The following DDX54 variants were observed in gnomAD, a reference collection of about 807,000 sequenced individuals.
DDX54 encodes DEAD-box helicase 54.
A neutral mutation model predicts 105.5 loss-of-function variants in DDX54; 67 were observed. The observed-to-expected ratio is 0.64, with a 90% CI of 0.52 to 0.78. DDX54 has a LOEUF of 0.78. Ranked by LOEUF, DDX54 falls within the 30% of genes least tolerant of loss-of-function variation. The pLI is 0.00. For synonymous variants in DDX54, 514 were observed against 509.9 expected, an observed-to-expected ratio of 1.01 and a Z score of -0.11; for missense variants, 1,206 against 1,230.5, an observed-to-expected ratio of 0.98 and a Z score of 0.30.
At chr12:113,185,146 G>A (rs1458778741) in intron 1 of DDX54, 132 bp downstream of exon 1, 2 of 1,187,922 alleles carry the variant, frequency 1.7e-6, no homozygotes, top group Non-Finnish European at 2.2e-6. Flanking sequence ...TCCCAAGACC[G>A]GTCCTCGGGT....
At chr12:113,164,743 G>C (rs1952253218) in intron 14 of DDX54, among the ~76,000 whole-genome samples, 1 of 151,526 alleles carries the variant, frequency 6.6e-6, no homozygotes, top group African/African-American at 2.4e-5. Flanking sequence ...AACACAGAGA[G>C]ACCCAGGCCA....
In DDX54 at chr12:113,157,228, A is replaced by G. The variant is rs1326086945; in HGVS notation, c.*1649T>C. On this transcript the variant is annotated 3_prime_UTR_variant, in exon 20 of 20. Transcript: ENST00000306014. ...TAAGTTCATATTCATAAAGAAGTTA[A>G]TTAAAACAAAAGGAGAGCCACCCAC... 1 of 215,524 alleles carries G rather than the reference A, an allele frequency of 4.6e-6. No homozygotes were observed. Among genetic ancestry groups the G allele is most frequent in the Non-Finnish European group, 9.3e-6 (1 of 107,710 alleles). The allele number at this position is 215,524 out of a possible 1,614,324, so 13.4% of individuals were successfully genotyped here.
Position 113,157,837 on chromosome 12 carries a change from T to A in DDX54, c.*1040A>T, listed in dbSNP as rs1952151846. ...GTGCCTGTTCAGAGTGCTGTGGGCC[T>A]GCCATGAGGGGCACATAGCAAGCAC... is the stretch of plus-strand genomic sequence containing the variant. On this transcript the variant is annotated 3_prime_UTR_variant, in exon 20 of 20. Coordinates refer to ENST00000306014, the MANE Select transcript of DDX54 (RefSeq NM_024072.4). 6 of 649,130 alleles carry A rather than the reference T, an allele frequency of 9.2e-6. No homozygotes were observed. In the South Asian group the frequency reaches 1.1e-4, roughly 12 times the overall value. The allele number at this position is 649,130 out of a possible 1,614,324, so 40.2% of individuals were successfully genotyped here.
At chr12:113,179,880 G>A in intron 3 of DDX54, 55 bp downstream of exon 3, 1 of 1,592,002 alleles carries the variant, frequency 6.3e-7, no homozygotes, top group Non-Finnish European at 8.6e-7. Context: ...GGGCCAGAGA[G>A]GAGGGCCATG....
rs373657137 is a variant in DDX54 at position 113,174,000 on chromosome 12, C to T, written c.1068+640G>A. Among the ~76,000 whole-genome samples the T allele has an allele frequency of 1.9e-4, 29 of 152,104 alleles. 1 individual carries two copies. Among genetic ancestry groups the T allele is most frequent in the Admixed American group, 1.0e-3 (16 of 15,276 alleles). ...GAGTTCAAGACCCACCTGGCCAACA[C>T]GGCAAAACCCCGTCTCCATGAGAAA... On this transcript the variant is annotated intron_variant, in intron 10 of 19. Coordinates refer to ENST00000306014, the MANE Select transcript of DDX54 (RefSeq NM_024072.4).
rs770483991 is a variant in DDX54 at position 113,164,212 on chromosome 12, C to A, written c.1793G>T (p.Arg598Leu). 6.3e-7 allele frequency: 1 copy of A among 1,584,394 alleles called. No individual in the cohort carries two copies. The highest frequency in any genetic ancestry group is 1.1e-5 in the South Asian group (1 of 87,148). ...QVMRAKRQKDRKAIARFQQGQ... is the reference protein window; with the variant it reads ...QVMRAKRQKDLKAIARFQQGQ... ...CTGCTGGAAGCGGGCGATGGCCTTG[C>A]GGTCCTTCTGCCGCTTGGCGCGCAT... The change falls in exon 15 of 20, where the codon CGC (arginine) becomes CTC (leucine). Residue 598 changes from arginine to leucine, a missense_variant. This residue lies in a region of DDX54 where 961 missense variants were observed against 1,019.1 expected (regional missense o/e 0.94). Transcript: ENST00000306014.
Position 113,165,863 on chromosome 12 carries a change from A to G in DDX54, c.1584T>C (p.Pro528=). 6.2e-7 allele frequency: 1 copy of G among 1,613,436 alleles called. No individual in the cohort carries two copies. The highest frequency in any genetic ancestry group is 1.3e-5 in the African/African-American group (1 of 75,056). ...TCTCCTTGGCCCTCTTGATGGACTC[A>G]GGCGAGGGCGCCGGGCGTGAGCGCA... ...QYVRSRPAPS[P]ESIKRAKEMD... Residue 528 remains proline (P), a synonymous_variant, in exon 13 of 20, where the codon CCT becomes CCC. Coordinates refer to ENST00000306014, the MANE Select transcript of DDX54 (RefSeq NM_024072.4).
chr12:113,161,201 G>C, intron 19 of DDX54, 69 bp downstream of exon 19: 2 of 1,310,646 alleles, frequency 1.5e-6, no homozygotes, highest in Non-Finnish European at 2.1e-6. Flanking sequence ...CTGTGCCTCA[G>C]CGTTACCCTA....
chr12:113,179,405 T>C (rs1952440481), intron 3 of DDX54, 74 bp from the exon 4 acceptor site: 3 of 1,517,452 alleles, frequency 2.0e-6, no homozygotes, highest in South Asian at 2.4e-5. Context: ...TTCAAGGCCC[T>C]GAGGAGTGGG....
chr12:113,173,216 C>CA (rs1952359448), intron 10 of DDX54, among the ~76,000 whole-genome samples: 1 of 152,170 alleles, frequency 6.6e-6, no homozygotes, highest in Admixed American at 6.6e-5. Context: ...CTGGCATGGT[C>CA]AGGCATGACT....
intron 5 of DDX54, among the ~76,000 whole-genome samples, chr12:113,177,667 T>C (rs1489750650): frequency 2.0e-5 from 3 of 152,142 alleles, no homozygotes; most frequent in Admixed American, 1.3e-4. Flanking sequence ...AGAGTGTTAA[T>C]AGCGGCATCC....
chr12:113,163,298 C>T lies in DDX54; in HGVS notation c.1939-24G>A. 6.2e-7 allele frequency: 1 copy of T among 1,601,016 alleles called. No homozygotes were observed. Among genetic ancestry groups the T allele is most frequent in the Non-Finnish European group, 8.5e-7 (1 of 1,176,380 alleles). ...TCCTGGCAGAGCACAGACCAAGGCC[C>T]AGTGTCATGCCTGCTGCCCCCTGGG... On this transcript the variant is annotated intron_variant, in intron 15 of 19. Coordinates refer to ENST00000306014, the MANE Select transcript of DDX54 (RefSeq NM_024072.4). The surrounding 1 kb of genome is among the most constrained non-coding windows in gnomAD (Gnocchi z 5.9).
Position 113,162,724 on chromosome 12 carries a change from G to A in DDX54, c.2195+208C>T, listed in dbSNP as rs1952222999. The A allele has an allele frequency of 7.4e-6, 4 of 543,680 alleles. No individual in the cohort carries two copies. In the South Asian group the frequency reaches 9.9e-5, roughly 14 times the overall value. 33.7% of individuals were successfully genotyped at this position (543,680 alleles called of 1,614,324 possible). Reference sequence around the variant, plus strand: ...CTCGCTCACTCACCCCAGGCATGGAGGGGCAGCTCACTCTCTCACTCACCC... The same window carrying A: ...CTCGCTCACTCACCCCAGGCATGGAAGGGCAGCTCACTCTCTCACTCACCC... On this transcript the variant is annotated intron_variant, in intron 17 of 19. Coordinates refer to ENST00000306014, the MANE Select transcript of DDX54 (RefSeq NM_024072.4).
chr12:113,157,546 G>A lies in DDX54; in HGVS notation c.*1331C>T, dbSNP rs1952144509. 3 of 1,466,832 alleles carry A rather than the reference G, an allele frequency of 2.0e-6. No homozygotes were observed. The Admixed American group carries it at 5.9e-5, about 29-fold the overall frequency. The allele number at this position is 1,466,832 out of a possible 1,614,324, so 90.9% of individuals were successfully genotyped here. On this transcript the variant is annotated 3_prime_UTR_variant, in exon 20 of 20. Coordinates refer to ENST00000306014, the MANE Select transcript of DDX54 (RefSeq NM_024072.4). ...CGGCCTCCCCCGCGTGTTGAGGGGT[G>A]GGGGCTGGACAGTGACTCTGGGGCT... is the stretch of plus-strand genomic sequence containing the variant.
At chr12:113,166,986 T>A (rs1952285052) in intron 12 of DDX54, among the ~76,000 whole-genome samples, 1 of 152,228 alleles carries the variant, frequency 6.6e-6, no homozygotes, top group Non-Finnish European at 1.5e-5. Flanking sequence ...AGCACTGTGC[T>A]GAGTCCATCA....
chr12:113,178,941 T>A (rs751058833), intron 5 of DDX54, 36 bp downstream of exon 5: 130 of 1,612,202 alleles, frequency 8.1e-5, no homozygotes, highest in Non-Finnish European at 1.1e-4. Context: ...TGTGCCTGCA[T>A]GGTGGTGACC....
intron 1 of DDX54, among the ~76,000 whole-genome samples, 154 bp downstream of exon 1, chr12:113,185,124 T>A (rs1344118230): frequency 1.3e-5 from 2 of 151,932 alleles, no homozygotes; most frequent in Non-Finnish European, 2.9e-5. Flanking sequence ...AGACACGTGC[T>A]CAGGCCGGCG....
intron 10 of DDX54, 100 bp from the exon 11 acceptor site, chr12:113,172,663 C>G (rs1593004311): frequency 7.0e-7 from 1 of 1,422,066 alleles, no homozygotes; most frequent in South Asian, 1.3e-5. Context: ...GGTGCAGAGA[C>G]AAGACCACGG....
intron 14 of DDX54, 49 bp downstream of exon 14, chr12:113,165,595 C>T (rs1297206449): frequency 2.0e-6 from 3 of 1,535,662 alleles, no homozygotes; most frequent in South Asian, 2.5e-5. Flanking sequence ...TGTCTCTGGG[C>T]TCCACAGAGC....
Sources: allele counts gnomAD v4.1 joint callset (sites outside exome capture counted in the v4.1 genomes callset), GRCh38; gene constraint gnomAD v4.1.1; regional missense constraint gnomAD v4.1.1; non-coding constraint Gnocchi (gnomAD v3.1); transcripts MANE v1.5; gene names NCBI Gene and HGNC (gene_info 2026-07-23, HGNC 2026-07-21).